The following USP43 variants were observed in gnomAD, a reference collection of about 807,000 sequenced individuals.
The protein encoded by USP43 is ubiquitin carboxyl-terminal hydrolase 43.
USP43 carries 33 observed loss-of-function variants against 90.7 expected under a neutral mutation model. That is an observed-to-expected ratio of 0.36 (90% CI 0.28 to 0.49). The LOEUF (loss-of-function observed/expected upper bound fraction) is 0.49, where lower values mean the gene tolerates loss of function less well. Ranked by LOEUF, USP43 falls within the 20% of genes least tolerant of loss-of-function variation. USP43 has a pLI of 0.98. For synonymous variants in USP43, 598 were observed against 615.8 expected, an observed-to-expected ratio of 0.97 and a Z score of 0.43; for missense variants, 1,274 against 1,476.4, an observed-to-expected ratio of 0.86 and a Z score of 2.25.
At chr17:9,720,970 C>T (rs568212030) in intron 14 of USP43, among the ~76,000 whole-genome samples, 30 of 152,292 alleles carry the variant, frequency 2.0e-4, no homozygotes, top group Admixed American at 7.8e-4. Context: ...ACCACCTTTC[C>T]GGTAGCCCTG....
At chr17:9,682,712 T>C in intron 6 of USP43, 111 bp from the exon 7 acceptor site, 1 of 1,355,386 alleles carries the variant, frequency 7.4e-7, no homozygotes, top group Non-Finnish European at 9.9e-7. Context: ...TGGCCCCCCA[T>C]TGGTGGTTAA....
chr17:9,708,272 C>T (rs56385628), intron 12 of USP43, among the ~76,000 whole-genome samples: 2 of 152,096 alleles, frequency 1.3e-5, no homozygotes, highest in Admixed American at 6.6e-5. Context: ...GGTGATAAAT[C>T]ATTTAAAGGT....
In USP43 at chr17:9,657,663, AAG is replaced by A. The variant is rs367810661; in HGVS notation, c.636+1138_636+1139del. On this transcript the variant is annotated intron_variant, in intron 2 of 14. Transcript: ENST00000285199. Reference sequence around the variant, plus strand: ...GTACCTCCTTCACAAGGTGGCAGGAAAGAGAGAGAGTGAGGGGGAACAGCCCT... The same window carrying A: ...GTACCTCCTTCACAAGGTGGCAGGAAAGAGAGAGTGAGGGGGAACAGCCCT... Among the ~76,000 whole-genome samples the A allele has an allele frequency of 4.0e-3, 605 of 152,242 alleles. 2 individuals are homozygous for A. Among genetic ancestry groups the A allele is most frequent in the African/African-American group, 0.013 (556 of 41,546 alleles).
chr17:9,682,646 C>T (rs374217213), intron 6 of USP43, among the ~76,000 whole-genome samples, 177 bp from the exon 7 acceptor site: 5 of 152,110 alleles, frequency 3.3e-5, no homozygotes, highest in Non-Finnish European at 7.4e-5. Flanking sequence ...GTATGCCAGG[C>T]GTCAGATGGC....
chr17:9,687,781 A>G lies in USP43; in HGVS notation c.1353+872A>G, dbSNP rs545152361. ...ATGTTTGATTTAGGATTTATACCAA[A>G]TAACATTTTGTTAAAAACCTTCACT... On this transcript the variant is annotated intron_variant, in intron 8 of 14. Coordinates refer to ENST00000285199, the MANE Select transcript of USP43 (RefSeq NM_153210.5). Among the ~76,000 whole-genome samples, 17 of 152,324 alleles carry G rather than the reference A, an allele frequency of 1.1e-4. No individual in the cohort carries two copies. The South Asian group carries it at 3.3e-3, about 30-fold the overall frequency.
intron 14 of USP43, among the ~76,000 whole-genome samples, chr17:9,723,575 TTTTTC>T (rs1917091304): frequency 8.8e-6 from 1 of 113,786 alleles, no homozygotes; most frequent in Admixed American, 1.1e-4. Flanking sequence ...CCCTCCCTTT[TTTTTC>T]TTTTCTTTTC....
intron 14 of USP43, among the ~76,000 whole-genome samples, chr17:9,722,098 G>A (rs573352437): frequency 1.3e-5 from 2 of 152,190 alleles, no homozygotes; most frequent in South Asian, 4.2e-4. Context: ...CTTGTTAGCT[G>A]CTTTGTTACT....
intron 7 of USP43, among the ~76,000 whole-genome samples, chr17:9,684,314 A>G (rs749341741): frequency 9.2e-5 from 14 of 152,170 alleles, no homozygotes; most frequent in Non-Finnish European, 1.8e-4. Context: ...GGCAAAGGAC[A>G]AATGAGGAAA....
intron 1 of USP43, among the ~76,000 whole-genome samples, chr17:9,646,543 A>G (rs1911416743): frequency 6.6e-6 from 1 of 152,166 alleles, no homozygotes. Context: ...GCTTGCGTTG[A>G]GATCTGAATG....
At chr17:9,719,490 T>C (rs1366624255) in intron 14 of USP43, among the ~76,000 whole-genome samples, 5 of 152,104 alleles carry the variant, frequency 3.3e-5, no homozygotes, top group Non-Finnish European at 7.4e-5. Flanking sequence ...GAGGTGACCT[T>C]ATAGCCCTAC....
At chr17:9,693,302 A>G (rs1915070966) in intron 9 of USP43, 72 bp downstream of exon 9, 2 of 1,247,596 alleles carry the variant, frequency 1.6e-6, no homozygotes, top group Admixed American at 2.0e-5. Context: ...TTGAGGGTAT[A>G]TGTCAATGAG....
intron 14 of USP43, among the ~76,000 whole-genome samples, chr17:9,724,603 C>A (rs1442953146): frequency 6.6e-6 from 1 of 152,136 alleles, no homozygotes; most frequent in African/African-American, 2.4e-5. Context: ...TCACTTGAAT[C>A]CGGGAGGTGG....
intron 9 of USP43, among the ~76,000 whole-genome samples, chr17:9,697,894 G>T (rs1444494127): frequency 6.6e-6 from 1 of 152,246 alleles, no homozygotes; most frequent in East Asian, 1.9e-4. Flanking sequence ...TCTATTTTTA[G>T]TTCTTTGAGA....
intron 10 of USP43, among the ~76,000 whole-genome samples, chr17:9,700,506 C>T (rs893272942): frequency 2.6e-5 from 4 of 152,130 alleles, no homozygotes; most frequent in Non-Finnish European, 4.4e-5. Flanking sequence ...TAGACAGTTA[C>T]GTAGCACCCA....
At chr17:9,652,270 C>A (rs1321778683) in intron 1 of USP43, among the ~76,000 whole-genome samples, 1 of 146,550 alleles carries the variant, frequency 6.8e-6, no homozygotes, top group Non-Finnish European at 1.5e-5. Flanking sequence ...AGATAAGTAA[C>A]CAAATATTAC....
At position 9,666,746 on chromosome 17, in the gene USP43, A is replaced by G. The variant is rs1325014021; in HGVS notation, c.735A>G (p.Gln245=). ...TTGTGCAAAGCCACTTTCAAGCACAATATAGGTAAGATGGGGATGTGTTTA... is the reference window on the plus strand; with the variant it reads ...TTGTGCAAAGCCACTTTCAAGCACAGTATAGGTAAGATGGGGATGTGTTTA... ...QSFVQSHFQA[Q]YRSSLTCPHC... Residue 245 remains glutamine, a synonymous_variant, in exon 3 of 15, where the codon CAA becomes CAG. Transcript: ENST00000285199. The G allele has an allele frequency of 6.2e-6, 10 of 1,611,108 alleles. No homozygotes were observed. Among genetic ancestry groups the G allele is most frequent in the Admixed American group, 1.7e-5 (1 of 59,682 alleles).
At chr17:9,721,897 ATT>A (rs375545876) in intron 14 of USP43, among the ~76,000 whole-genome samples, 2 of 136,964 alleles carry the variant, frequency 1.5e-5, no homozygotes. Context: ...CACCCAGCTA[ATT>A]TTTTTTTTTT....
intron 9 of USP43, among the ~76,000 whole-genome samples, chr17:9,698,176 T>C (rs1373392379): frequency 1.3e-5 from 2 of 152,214 alleles, no homozygotes; most frequent in East Asian, 3.8e-4. Context: ...CACTTTTTAA[T>C]AGGATTATTT....
At chr17:9,676,022 T>A (rs1016398961) in intron 4 of USP43, among the ~76,000 whole-genome samples, 1 of 152,042 alleles carries the variant, frequency 6.6e-6, no homozygotes, top group African/African-American at 2.4e-5. Flanking sequence ...GCTGCAAGAG[T>A]GGGCCTTCAT....
Sources: allele counts gnomAD v4.1 joint callset (sites outside exome capture counted in the v4.1 genomes callset), GRCh38; gene constraint gnomAD v4.1.1; transcripts MANE v1.5; gene names NCBI Gene and HGNC (gene_info 2026-07-23, HGNC 2026-07-21).